Variants in SLC5A12 observed in about 807,000 individuals in gnomAD.
The protein encoded by SLC5A12 is solute carrier family 5 member 12.
SLC5A12 carries 46 observed loss-of-function variants against 72.7 expected under a neutral mutation model. The observed-to-expected ratio is 0.63, with a 90% CI of 0.50 to 0.81. SLC5A12 has a LOEUF of 0.81. Among genes scored for constraint, SLC5A12 ranks in the 30% least tolerant of loss-of-function variants. The pLI is 0.00. For missense variants in SLC5A12, 683 were observed against 740.7 expected, an observed-to-expected ratio of 0.92 and a Z score of 0.90; for synonymous variants, 275 against 264.4, an observed-to-expected ratio of 1.04 and a Z score of -0.39.
intron 8 of SLC5A12, among the ~76,000 whole-genome samples, chr11:26,696,908 T>A (rs1336845457): frequency 2.6e-5 from 4 of 152,186 alleles, no homozygotes; most frequent in Non-Finnish European, 4.4e-5. Flanking sequence ...AAGGCTTACA[T>A]CCAGCCCCTG....
chr11:26,710,090 T>A (rs1374746058), intron 3 of SLC5A12, among the ~76,000 whole-genome samples: 2 of 152,092 alleles, frequency 1.3e-5, no homozygotes, highest in Non-Finnish European at 2.9e-5. Context: ...TTTGTTCAAC[T>A]GTCACTTATG....
chr11:26,671,246 G>A lies in SLC5A12; in HGVS notation c.1713C>T (p.Asn571=). 3 of 1,594,118 alleles carry A rather than the reference G, an allele frequency of 1.9e-6. No homozygotes were observed. The highest frequency in any genetic ancestry group is 3.5e-5 in the Admixed American group (2 of 57,170). ...GTTTCCGGGCACTGCCATTCTCAAG[G>A]TTTTCCTGAGGGAAATACAAAGACA... ...VQHDSGTEQE[N]LENGSARKQG... is the part of the protein sequence containing the mutation. The change falls in exon 15 of 15, where the codon AAC becomes AAT. Residue 571 remains asparagine, a synonymous_variant. Transcript: ENST00000396005.
intron 10 of SLC5A12, 131 bp downstream of exon 10, chr11:26,686,345 AC>A: frequency 1.4e-6 from 1 of 694,552 alleles, no homozygotes; most frequent in East Asian, 2.6e-5. Context: ...CATGCATTTT[AC>A]ATTTATTTTT....
chr11:26,680,970 T>A, intron 12 of SLC5A12, 85 bp downstream of exon 12: 2 of 1,258,594 alleles, frequency 1.6e-6, no homozygotes, highest in Non-Finnish European at 2.1e-6. Flanking sequence ...ATATGTCTCA[T>A]CACACTTATC....
rs150214092 is a variant in SLC5A12, at chr11:26,712,512, A to G, written c.405+129T>C. On this transcript the variant is annotated intron_variant, in intron 2 of 14. Transcript: ENST00000396005. Reference sequence around the variant, plus strand: ...ATTTTTAGTACATATTAAAAGTGCTATCTTTGGAAGAAAGTAGCGTCTTCT... The same window carrying G: ...ATTTTTAGTACATATTAAAAGTGCTGTCTTTGGAAGAAAGTAGCGTCTTCT... 5.7e-4 allele frequency: 299 copies of G among 521,124 alleles called. 2 individuals are homozygous for G. Among genetic ancestry groups the G allele is most frequent in the African/African-American group, 4.9e-3 (261 of 53,432 alleles). The allele number at this position is 521,124 out of a possible 1,614,324, so 32.3% of individuals were successfully genotyped here.
intron 8 of SLC5A12, among the ~76,000 whole-genome samples, chr11:26,692,901 G>C (rs1854717188): frequency 6.6e-6 from 1 of 151,220 alleles, no homozygotes; most frequent in South Asian, 2.1e-4. Flanking sequence ...GGCAGCACCA[G>C]AGGAAATCTG....
intron 4 of SLC5A12, among the ~76,000 whole-genome samples, chr11:26,707,321 T>C (rs908178690): frequency 5.3e-5 from 8 of 151,998 alleles, no homozygotes; most frequent in Admixed American, 1.3e-4. Context: ...TGCTTTAAGG[T>C]TACACTTTCT....
At chr11:26,680,757 C>T (rs1023037147) in intron 12 of SLC5A12, among the ~76,000 whole-genome samples, 1 of 152,048 alleles carries the variant, frequency 6.6e-6, no homozygotes, top group Non-Finnish European at 1.5e-5. Flanking sequence ...TTTGAGGAAA[C>T]CATGTTCCTC....
At position 26,669,187 on chromosome 11, in the gene SLC5A12, T is replaced by TTTCTTTTTCTTTC. The variant is rs1854073553; in HGVS notation, c.*1914_*1915insGAAAGAAAAAGAA. On this transcript the variant is annotated 3_prime_UTR_variant, in exon 15 of 15. Transcript: ENST00000396005. ...TGTCTTTTTCTTTCTTTCTTTCTTCTTTTCTTTCTTTCTTTCTTTCTTTCT... is the reference window on the plus strand; with the variant it reads ...TGTCTTTTTCTTTCTTTCTTTCTTCTTTCTTTTTCTTTCTTTCTTTCTTTCTTTCTTTCTTTCT... 1.2e-3 allele frequency: 128 copies of TTTCTTTTTCTTTC among 110,962 alleles called. 3 individuals carry two copies. Among genetic ancestry groups the TTTCTTTTTCTTTC allele is most frequent in the African/African-American group, 2.8e-3 (88 of 31,162 alleles). 6.9% of individuals were successfully genotyped at this position (110,962 alleles called of 1,614,324 possible). A position where few individuals can be genotyped will look rare whatever the true frequency, so the allele number is the denominator to read the frequency against.
intron 4 of SLC5A12, among the ~76,000 whole-genome samples, chr11:26,707,035 G>C (rs938154003): frequency 3.3e-5 from 5 of 151,304 alleles, no homozygotes; most frequent in Non-Finnish European, 5.9e-5. Context: ...TTTCTTTAGG[G>C]AAGATCTGTA....
In SLC5A12 at chr11:26,669,182, TC is replaced by T. The variant is rs1854072221; in HGVS notation, c.*1919del. The T allele has an allele frequency of 8.3e-6, 1 of 119,940 alleles. No individual in the cohort carries two copies. Among genetic ancestry groups the T allele is most frequent in the Non-Finnish European group, 1.8e-5 (1 of 54,724 alleles). 7.4% of individuals were successfully genotyped at this position (119,940 alleles called of 1,614,324 possible). ...CTTCCTGTCTTTTTCTTTCTTTCTT[TC>T]TTCTTTTCTTTCTTTCTTTCTTTCT... On this transcript the variant is annotated 3_prime_UTR_variant, in exon 15 of 15. Coordinates refer to ENST00000396005, the MANE Select transcript of SLC5A12 (RefSeq NM_178498.4).
chr11:26,669,433 T>G lies in SLC5A12; in HGVS notation c.*1669A>C, dbSNP rs1854088481. On this transcript the variant is annotated 3_prime_UTR_variant, in exon 15 of 15. Transcript: ENST00000396005. ...AGACTTTAAAAAATGTTTCCAAAAA[T>G]TCTGCTCCTTCTCATTTTCAGATAT... is the stretch of plus-strand genomic sequence containing the variant. The G allele has an allele frequency of 6.6e-6, 1 of 151,902 alleles. No individual in the cohort carries two copies. Among genetic ancestry groups the G allele is most frequent in the Admixed American group, 6.6e-5 (1 of 15,206 alleles). The allele number at this position is 151,902 out of a possible 1,614,324, so 9.4% of individuals were successfully genotyped here.
chr11:26,701,122 C>T (rs1036369108), intron 6 of SLC5A12, among the ~76,000 whole-genome samples: 4 of 151,654 alleles, frequency 2.6e-5, no homozygotes, highest in Non-Finnish European at 5.9e-5. Context: ...CCTCAAGGCT[C>T]CAGCTGTGTG....
intron 10 of SLC5A12, among the ~76,000 whole-genome samples, chr11:26,684,825 A>T (rs568592836): frequency 6.6e-6 from 1 of 152,216 alleles, no homozygotes; most frequent in Non-Finnish European, 1.5e-5. Flanking sequence ...GGACATGATG[A>T]TACTTTCTTA....
At chr11:26,708,295 T>A (rs1356666750) in intron 4 of SLC5A12, among the ~76,000 whole-genome samples, 1 of 151,902 alleles carries the variant, frequency 6.6e-6, no homozygotes, top group Admixed American at 6.6e-5. Flanking sequence ...TTATATGAGG[T>A]CAGAGGTAAG....
upstream of SLC5A12, among the ~76,000 whole-genome samples, chr11:26,722,401 A>G (rs1157731014): frequency 2.0e-5 from 3 of 152,182 alleles, no homozygotes; most frequent in Non-Finnish European, 4.4e-5. Context: ...CCTGGAACAC[A>G]GGGATAATAA....
chr11:26,671,345 A>T, intron 14 of SLC5A12, 94 bp from the exon 15 acceptor site: 18 of 1,042,378 alleles, frequency 1.7e-5, no homozygotes, highest in Non-Finnish European at 2.2e-5. Flanking sequence ...GCTTCAAAAA[A>T]TTATATATAT....
In SLC5A12 at chr11:26,684,831, T is replaced by C. The variant is rs948060178; in HGVS notation, c.1222-988A>G. Reference sequence around the variant, plus strand: ...TCACCAGTTGGACATGATGATACTTTCTTAAGAGTAAATATTATTGTGGCG... The same window carrying C: ...TCACCAGTTGGACATGATGATACTTCCTTAAGAGTAAATATTATTGTGGCG... On this transcript the variant is annotated intron_variant, in intron 10 of 14. Coordinates refer to ENST00000396005, the MANE Select transcript of SLC5A12 (RefSeq NM_178498.4). Among the ~76,000 whole-genome samples the C allele has an allele frequency of 2.6e-5, 4 of 152,308 alleles. No individual in the cohort carries two copies. The East Asian group carries it at 5.8e-4, about 22-fold the overall frequency.
intron 14 of SLC5A12, among the ~76,000 whole-genome samples, 168 bp from the exon 15 acceptor site, chr11:26,671,419 A>G (rs1469008286): frequency 1.3e-5 from 2 of 152,122 alleles, no homozygotes; most frequent in East Asian, 3.9e-4. Flanking sequence ...TTGATAATCC[A>G]CGTAAGGTAC....
Sources: gnomAD v4.1 joint callset for allele counts (sites outside exome capture counted in the v4.1 genomes callset) on GRCh38, gnomAD v4.1.1 for gene constraint, MANE v1.5 for transcripts, NCBI Gene and HGNC (gene_info 2026-07-23, HGNC 2026-07-21) for gene names.